The following SCAF8 variants were observed in gnomAD, a reference collection of about 807,000 sequenced individuals.
The protein encoded by SCAF8 is SR-related CTD associated factor 8.
In SCAF8, 23 loss-of-function variants were observed where a neutral mutation model predicts 140.5. The observed-to-expected ratio is 0.16, with a 90% CI of 0.12 to 0.23. The LOEUF is 0.23. SCAF8 is among the 10% of genes least tolerant of loss of function. The pLI, the probability that SCAF8 is intolerant of heterozygous loss-of-function variation, is 1.00. For missense variants in SCAF8, 1,397 were observed against 1,555.7 expected (o/e 0.90, Z 1.72); for synonymous variants, 575 against 528.9 (o/e 1.09, Z -1.20).
At chr6:154,801,288 GT>G (rs1449734544) in intron 6 of SCAF8, among the ~76,000 whole-genome samples, 1 of 151,376 alleles carries the variant, frequency 6.6e-6, no homozygotes, top group Admixed American at 6.6e-5. Context: ...GAGTACAGTT[GT>G]CTTGGTTATC....
At chr6:154,784,120 G>GATATAGATATATAT (rs1777168320) in intron 3 of SCAF8, among the ~76,000 whole-genome samples, 1 of 106,832 alleles carries the variant, frequency 9.4e-6, no homozygotes, top group Non-Finnish European at 2.0e-5. Flanking sequence ...GGTGTCTTGA[G>GATATAGATATATAT]ATATATATAT....
Position 154,821,415 on chromosome 6 carries a change from G to A in SCAF8, c.1793-861G>A, listed in dbSNP as rs370401642. Among the ~76,000 whole-genome samples the A allele has an allele frequency of 5.3e-4, 80 of 151,768 alleles. 2 individuals are homozygous for A. In the South Asian group the frequency reaches 1.0e-2, roughly 19 times the overall value. On this transcript the variant is annotated intron_variant, in intron 15 of 19. Coordinates refer to ENST00000367178, the MANE Select transcript of SCAF8 (RefSeq NM_014892.5). Reference sequence around the variant, plus strand: ...ACACATGACCCATAAAGCCTCAAATGCTGTAAAGTTTACTAGCCTATGTTT... The same window carrying A: ...ACACATGACCCATAAAGCCTCAAATACTGTAAAGTTTACTAGCCTATGTTT...
intron 1 of SCAF8, among the ~76,000 whole-genome samples, chr6:154,772,221 G>A (rs1776789076): frequency 6.6e-6 from 1 of 152,192 alleles, no homozygotes; most frequent in Admixed American, 6.5e-5. Flanking sequence ...TTTTTGCAGT[G>A]TTCTGATGGC....
chr6:154,774,098 T>G (rs770545620), intron 2 of SCAF8, 26 bp downstream of exon 2: 4 of 1,428,934 alleles, frequency 2.8e-6, no homozygotes, highest in Non-Finnish European at 3.9e-6. Flanking sequence ...TACTCTTCTA[T>G]TTTCAAAAGA....
chr6:154,831,703 TAAAAA>T (rs58013583), intron 19 of SCAF8, among the ~76,000 whole-genome samples: 214 of 48,010 alleles, frequency 4.5e-3, no homozygotes, highest in African/African-American at 7.6e-3. Context: ...CTCCTGTTCT[TAAAAA>T]AAAAAAAAAA....
chr6:154,790,489 A>ATTTTTTTTTTTTTTTTTTTTTTTTTTTT (rs57095332), intron 4 of SCAF8, among the ~76,000 whole-genome samples: 2 of 70,878 alleles, frequency 2.8e-5, no homozygotes, highest in Admixed American at 2.2e-4. Flanking sequence ...ATTTAACAGA[A>ATTTTTTTTTTTTTTTTTTTTTTTTTTTT]TTTTTTTTTT....
intron 1 of SCAF8, among the ~76,000 whole-genome samples, chr6:154,739,464 C>CGAAG (rs552734292): frequency 6.3e-4 from 96 of 152,186 alleles, no homozygotes; most frequent in African/African-American, 2.1e-3. Context: ...TGTAGCCTTT[C>CGAAG]CCCCATGATC....
At position 154,781,103 on chromosome 6, in the gene SCAF8, A is replaced by G. The variant is rs556038432; in HGVS notation, c.159+3058A>G. Among the ~76,000 whole-genome samples the G allele has an allele frequency of 1.1e-4, 17 of 152,222 alleles. No homozygotes were observed. In the South Asian group the frequency reaches 3.5e-3, roughly 32 times the overall value. On this transcript the variant is annotated intron_variant, in intron 3 of 19. Coordinates refer to ENST00000367178, the MANE Select transcript of SCAF8 (RefSeq NM_014892.5). ...GAGTTTATCTCGTTGTTTTGCCCCA[A>G]AAACTCCTTAAACTGATAAGCAACC...
At chr6:154,793,035 CTG>C in intron 5 of SCAF8, 59 bp downstream of exon 5, 1 of 1,336,980 alleles carries the variant, frequency 7.5e-7, no homozygotes, top group Non-Finnish European at 1.0e-6. Context: ...TTTTGGATGA[CTG>C]TTCATATAAA....
intron 15 of SCAF8, among the ~76,000 whole-genome samples, chr6:154,821,455 C>G (rs557289726): frequency 1.5e-4 from 23 of 151,490 alleles, no homozygotes; most frequent in African/African-American, 5.3e-4. Flanking sequence ...CATTTATTAT[C>G]TGTGAAAAAA....
At chr6:154,790,284 G>T (rs1777376147) in intron 4 of SCAF8, among the ~76,000 whole-genome samples, 1 of 152,136 alleles carries the variant, frequency 6.6e-6, no homozygotes, top group Admixed American at 6.5e-5. Flanking sequence ...TCATGTTTTA[G>T]AGTGGAGAAA....
chr6:154,773,652 C>T (rs566282986), intron 1 of SCAF8, among the ~76,000 whole-genome samples: 2 of 152,250 alleles, frequency 1.3e-5, no homozygotes, highest in African/African-American at 2.4e-5. Context: ...CTGGGTCTTA[C>T]GTTAACTGTG....
intron 4 of SCAF8, among the ~76,000 whole-genome samples, chr6:154,790,025 C>G (rs1777367879): frequency 1.3e-5 from 2 of 152,090 alleles, no homozygotes; most frequent in Admixed American, 1.3e-4. Flanking sequence ...GTGATTAAAT[C>G]TTTCTTGAAT....
intron 4 of SCAF8, among the ~76,000 whole-genome samples, chr6:154,791,808 G>A (rs959312398): frequency 6.6e-6 from 1 of 152,222 alleles, no homozygotes. Context: ...GAAAGAGGTT[G>A]AGACTAAAAC....
chr6:154,791,153 T>C (rs368170358), intron 4 of SCAF8, among the ~76,000 whole-genome samples: 1 of 152,246 alleles, frequency 6.6e-6, no homozygotes, highest in African/African-American at 2.4e-5. Context: ...GGCATATTTT[T>C]CTGCCTATTA....
Position 154,833,476 on chromosome 6 carries a change from G to A in SCAF8, c.*81G>A. ...GATAATGGCTGACTGGACCATAGTT[G>A]TTCACTTTTGTCTGCCAGAATTAAG... On this transcript the variant is annotated 3_prime_UTR_variant, in exon 20 of 20. Coordinates refer to ENST00000367178, the MANE Select transcript of SCAF8 (RefSeq NM_014892.5). 3.7e-6 allele frequency: 5 copies of A among 1,340,028 alleles called. No individual in the cohort carries two copies. The highest frequency in any genetic ancestry group is 2.1e-4 in the Middle Eastern group (1 of 4,838). 83.0% of individuals were successfully genotyped at this position (1,340,028 alleles called of 1,614,324 possible). A position where few individuals can be genotyped will look rare whatever the true frequency, so the allele number is the denominator to read the frequency against.
At position 154,737,743 on chromosome 6, in the gene SCAF8, C is replaced by T. The variant is rs902165082; in HGVS notation, c.30+3813C>T. ...ACTCGCTGTTGACAGGTCACCACGC[C>T]GGGCTAATTGTTTTTGTTTTGTAGA... is the stretch of plus-strand genomic sequence containing the variant. On this transcript the variant is annotated intron_variant, in intron 1 of 19. Transcript: ENST00000367178. 5.3e-5 allele frequency among the ~76,000 whole-genome samples: 8 copies of T among 151,950 alleles called. No individual in the cohort carries two copies. In the East Asian group the frequency reaches 7.8e-4, roughly 15 times the overall value.
intron 12 of SCAF8, among the ~76,000 whole-genome samples, chr6:154,813,567 G>A (rs2114657983): frequency 6.6e-6 from 1 of 152,242 alleles, no homozygotes; most frequent in Admixed American, 6.5e-5. Context: ...CCATGACAGA[G>A]CCCCAGACTT....
intron 1 of SCAF8, among the ~76,000 whole-genome samples, chr6:154,752,821 A>G (rs951910582): frequency 1.3e-5 from 2 of 152,198 alleles, no homozygotes; most frequent in Non-Finnish European, 2.9e-5. Flanking sequence ...TCCTAGGTTC[A>G]AGTGATTCTC....
Sources: gnomAD v4.1 joint callset for allele counts (sites outside exome capture counted in the v4.1 genomes callset) on GRCh38, gnomAD v4.1.1 for gene constraint, MANE v1.5 for transcripts, NCBI Gene and HGNC (gene_info 2026-07-23, HGNC 2026-07-21) for gene names.